TMTC2: variants seen among roughly 807,000 people sequenced by gnomAD.
The protein encoded by TMTC2 is protein O-mannosyl-transferase TMTC2.
A neutral mutation model predicts 82.4 loss-of-function variants in TMTC2; 43 were observed. The ratio of observed to expected loss-of-function variants is 0.52; its 90% CI spans 0.41 to 0.67. The LOEUF (loss-of-function observed/expected upper bound fraction) is 0.67. TMTC2 is among the 30% of genes least tolerant of loss of function. The pLI, the probability that TMTC2 is intolerant of heterozygous loss-of-function variation, is 0.00. For synonymous variants in TMTC2, 408 were observed against 381.9 expected (o/e 1.07, Z -0.80); for missense variants, 919 against 1,012.4 (o/e 0.91, Z 1.25).
At chr12:82,823,893 ATT>A (rs1225145231) in intron 1 of TMTC2, among the ~76,000 whole-genome samples, 43 of 136,272 alleles carry the variant, frequency 3.2e-4, no homozygotes, top group Middle Eastern at 3.8e-3. Flanking sequence ...CCATTATTCT[ATT>A]TTTTTTTTTT....
At chr12:82,722,964 T>C (rs1302324643) in intron 1 of TMTC2, among the ~76,000 whole-genome samples, 1 of 152,206 alleles carries the variant, frequency 6.6e-6, no homozygotes, top group Non-Finnish European at 1.5e-5. Context: ...GTTATTGTCA[T>C]TGGGATTTAA....
At chr12:83,045,727 GCA>G (rs71068972) in intron 9 of TMTC2, among the ~76,000 whole-genome samples, 52 of 142,504 alleles carry the variant, frequency 3.6e-4, no homozygotes, top group Non-Finnish European at 2.7e-4. Context: ...ACACACACAC[GCA>G]CACACACACA....
At chr12:82,719,198 A>T (rs1301593906) in intron 1 of TMTC2, among the ~76,000 whole-genome samples, 1 of 148,286 alleles carries the variant, frequency 6.7e-6, no homozygotes, top group Non-Finnish European at 1.5e-5. Context: ...GATTCAAGCA[A>T]TTCTCTTGCC....
At chr12:82,996,909 T>C (rs1879644719) in intron 8 of TMTC2, among the ~76,000 whole-genome samples, 1 of 152,134 alleles carries the variant, frequency 6.6e-6, no homozygotes, top group Non-Finnish European at 1.5e-5. Context: ...AGCAGAAAAT[T>C]ACTTGATCCG....
At chr12:83,080,421 T>C (rs919370601) in intron 11 of TMTC2, among the ~76,000 whole-genome samples, 1 of 151,994 alleles carries the variant, frequency 6.6e-6, no homozygotes, top group Non-Finnish European at 1.5e-5. Flanking sequence ...TAGCTAAGAT[T>C]TTTATATCTG....
chr12:82,850,782 T>C (rs1320934827), intron 1 of TMTC2, among the ~76,000 whole-genome samples: 2 of 151,512 alleles, frequency 1.3e-5, no homozygotes, highest in Admixed American at 1.3e-4. Context: ...AATAACACAG[T>C]GGGCAGGGCA....
At chr12:82,967,427 G>A (rs968884005) in intron 7 of TMTC2, among the ~76,000 whole-genome samples, 6 of 151,890 alleles carry the variant, frequency 4.0e-5, no homozygotes, top group African/African-American at 1.5e-4. Context: ...ACAAGATTAT[G>A]CAGACAATAG....
intron 2 of TMTC2, among the ~76,000 whole-genome samples, chr12:82,894,215 T>C (rs1873539469): frequency 6.6e-6 from 1 of 152,140 alleles, no homozygotes; most frequent in South Asian, 2.1e-4. Context: ...TAATTGCCTA[T>C]GGAGGTGAGG....
At chr12:82,739,684 G>A (rs1488480074) in intron 1 of TMTC2, among the ~76,000 whole-genome samples, 5 of 150,360 alleles carry the variant, frequency 3.3e-5, no homozygotes, top group Admixed American at 1.3e-4. Flanking sequence ...TAAACCAGAC[G>A]TCTAAGTGAG....
intron 8 of TMTC2, among the ~76,000 whole-genome samples, chr12:83,020,452 A>G (rs1160962823): frequency 6.6e-6 from 1 of 152,244 alleles, no homozygotes; most frequent in Admixed American, 6.5e-5. Flanking sequence ...AATGATTTGC[A>G]TAATTTAAAA....
intron 1 of TMTC2, among the ~76,000 whole-genome samples, chr12:82,698,938 T>A (rs1409136048): frequency 6.6e-6 from 1 of 152,206 alleles, no homozygotes; most frequent in Non-Finnish European, 1.5e-5. Context: ...CAGGATGGCA[T>A]GCAGTTTCAT....
chr12:82,799,556 C>A (rs1454129139), intron 1 of TMTC2, among the ~76,000 whole-genome samples: 1 of 152,124 alleles, frequency 6.6e-6, no homozygotes, highest in Admixed American at 6.5e-5. Context: ...GGCTAGACAT[C>A]TGAGATAGTG....
intron 9 of TMTC2, among the ~76,000 whole-genome samples, chr12:83,046,604 C>G (rs1882141499): frequency 1.3e-5 from 2 of 152,148 alleles, no homozygotes; most frequent in South Asian, 4.1e-4. Flanking sequence ...TTGTAGTATA[C>G]CTGCACTACC....
chr12:82,996,742 G>A (rs1258724834), intron 8 of TMTC2, among the ~76,000 whole-genome samples: 2 of 152,114 alleles, frequency 1.3e-5, no homozygotes, highest in Admixed American at 6.5e-5. Context: ...GTTTTTAGAG[G>A]TAACATCACC....
At chr12:83,005,209 A>G (rs1880130615) in intron 8 of TMTC2, among the ~76,000 whole-genome samples, 2 of 48,634 alleles carry the variant, frequency 4.1e-5, no homozygotes, top group Non-Finnish European at 5.8e-5. Context: ...GTCTTATTAA[A>G]AAAAAAAAAA....
chr12:82,789,124 A>G (rs1182366427), intron 1 of TMTC2, among the ~76,000 whole-genome samples: 3 of 152,176 alleles, frequency 2.0e-5, no homozygotes, highest in East Asian at 1.9e-4. Flanking sequence ...CTTTTGCCAA[A>G]TGGCTTCCTC....
At chr12:82,956,976 A>T (rs1877648465) in intron 4 of TMTC2, among the ~76,000 whole-genome samples, 1 of 152,178 alleles carries the variant, frequency 6.6e-6, no homozygotes, top group Non-Finnish European at 1.5e-5. Flanking sequence ...TAGACAGATC[A>T]TTGAGGCAGA....
At position 82,715,755 on chromosome 12, in the gene TMTC2, T is replaced by A. The variant is rs12582828; in HGVS notation, c.83+28086T>A. 2.6e-5 allele frequency among the ~76,000 whole-genome samples: 4 copies of A among 152,268 alleles called. No individual in the cohort carries two copies. The East Asian group carries it at 7.7e-4, about 29-fold the overall frequency. The stretch of plus-strand genomic sequence containing the variant: ...GGATGGTAGGGATGGGGTAGGGATA[T>A]CAACCTTGAAGCTGCCCGTTCAGTT... On this transcript the variant is annotated intron_variant, in intron 1 of 11. Coordinates refer to ENST00000321196, the MANE Select transcript of TMTC2 (RefSeq NM_152588.3).
intron 1 of TMTC2, among the ~76,000 whole-genome samples, chr12:82,844,978 A>G (rs906673193): frequency 6.6e-6 from 1 of 151,866 alleles, no homozygotes; most frequent in African/African-American, 2.4e-5. Flanking sequence ...CTGTAATCCC[A>G]GCACTTTGGG....
Sources: allele counts gnomAD v4.1 joint callset (sites outside exome capture counted in the v4.1 genomes callset), GRCh38; gene constraint gnomAD v4.1.1; transcripts MANE v1.5; gene names NCBI Gene and HGNC (gene_info 2026-07-23, HGNC 2026-07-21).